The following DPP10 variants were observed in gnomAD, a reference collection of about 807,000 sequenced individuals.
The protein encoded by DPP10 is inactive dipeptidyl peptidase 10.
In DPP10, 33 loss-of-function variants were observed where a neutral mutation model predicts 120.9. The ratio of observed to expected loss-of-function variants is 0.27; its 90% CI spans 0.21 to 0.37. The LOEUF (loss-of-function observed/expected upper bound fraction) is 0.37, where lower values mean the gene tolerates loss of function less well. Ranked by LOEUF, DPP10 falls within the 10% of genes least tolerant of loss-of-function variation. The pLI, the probability that DPP10 is intolerant of heterozygous loss-of-function variation, is 1.00. For synonymous variants in DPP10, 337 were observed against 326.1 expected (o/e 1.03, Z -0.36); for missense variants, 816 against 942.8 (o/e 0.87, Z 1.76).
chr2:114,502,632 G>C (rs1449412147), intron 1 of DPP10, among the ~76,000 whole-genome samples: 1 of 152,160 alleles, frequency 6.6e-6, no homozygotes, highest in Non-Finnish European at 1.5e-5. Context: ...TGCCAAAGGA[G>C]TGACCCTCTT....
At chr2:115,735,649 T>C (rs939765267) in intron 8 of DPP10, among the ~76,000 whole-genome samples, 1 of 149,590 alleles carries the variant, frequency 6.7e-6, no homozygotes, top group Non-Finnish European at 1.5e-5. Context: ...GCCACCTGAG[T>C]AACTGGCATT....
intron 1 of DPP10, among the ~76,000 whole-genome samples, chr2:114,585,553 A>G (rs1042020269): frequency 1.3e-5 from 2 of 152,166 alleles, no homozygotes; most frequent in Non-Finnish European, 2.9e-5. Flanking sequence ...ATCAGGGGCC[A>G]GGGACTCTGG....
intron 1 of DPP10, among the ~76,000 whole-genome samples, chr2:114,769,594 A>C (rs1681065570): frequency 6.6e-6 from 1 of 152,222 alleles, no homozygotes; most frequent in Non-Finnish European, 1.5e-5. Flanking sequence ...AGGGTTCTAT[A>C]AACAGAACCT....
intron 24 of DPP10, among the ~76,000 whole-genome samples, chr2:115,838,088 G>A (rs1370713512): frequency 6.6e-6 from 1 of 152,156 alleles, no homozygotes; most frequent in Non-Finnish European, 1.5e-5. Flanking sequence ...TAACAATGGG[G>A]AAACTGGAGG....
At chr2:114,857,957 G>C (rs1465350862) in intron 1 of DPP10, among the ~76,000 whole-genome samples, 1 of 152,094 alleles carries the variant, frequency 6.6e-6, no homozygotes, top group Admixed American at 6.6e-5. Context: ...GTGACCTTGA[G>C]AAAGCTACTT....
intron 2 of DPP10, among the ~76,000 whole-genome samples, chr2:115,338,271 C>A (rs1454735959): frequency 6.6e-6 from 1 of 151,856 alleles, no homozygotes; most frequent in African/African-American, 2.4e-5. Context: ...GATTTTGTTA[C>A]AGACATATCG....
chr2:114,632,511 T>TTG (rs1553473533), intron 1 of DPP10, among the ~76,000 whole-genome samples: 11 of 132,196 alleles, frequency 8.3e-5, no homozygotes, highest in African/African-American at 2.9e-4. Flanking sequence ...GGGTTTTTTT[T>TTG]TTTTTTTTTT....
intron 1 of DPP10, among the ~76,000 whole-genome samples, chr2:114,836,901 TG>T (rs1435002869): frequency 6.6e-6 from 1 of 152,238 alleles, no homozygotes; most frequent in Non-Finnish European, 1.5e-5. Flanking sequence ...CATTTGCTTT[TG>T]AAAGAAGAGA....
intron 1 of DPP10, among the ~76,000 whole-genome samples, chr2:114,731,828 T>C (rs1315059214): frequency 3.3e-5 from 5 of 152,058 alleles, no homozygotes; most frequent in African/African-American, 1.2e-4. Context: ...TTCTAATTGG[T>C]GGACTTAGAG....
intron 3 of DPP10, among the ~76,000 whole-genome samples, chr2:115,359,154 G>T (rs1185148449): frequency 6.6e-6 from 1 of 152,180 alleles, no homozygotes; most frequent in Non-Finnish European, 1.5e-5. Context: ...AGTGATATGT[G>T]AGAATTTGAC....
chr2:114,563,433 C>T (rs938826436), intron 1 of DPP10, among the ~76,000 whole-genome samples: 6 of 152,020 alleles, frequency 3.9e-5, no homozygotes, highest in South Asian at 4.1e-4. Flanking sequence ...AGAGTGACTA[C>T]GCTGAAGGGT....
chr2:115,691,016 C>T (rs1209831665), intron 7 of DPP10, among the ~76,000 whole-genome samples: 1 of 152,086 alleles, frequency 6.6e-6, no homozygotes, highest in East Asian at 1.9e-4. Flanking sequence ...TCCTTGAATT[C>T]TAATAAGCTA....
intron 3 of DPP10, among the ~76,000 whole-genome samples, chr2:115,380,396 A>G (rs1177327722): frequency 1.3e-5 from 2 of 151,444 alleles, no homozygotes; most frequent in African/African-American, 2.4e-5. Flanking sequence ...TTTGTTTTCC[A>G]TTTGCTTGGT....
intron 1 of DPP10, among the ~76,000 whole-genome samples, chr2:114,660,358 G>C (rs1697307835): frequency 1.3e-5 from 2 of 152,108 alleles, no homozygotes; most frequent in South Asian, 4.2e-4. Context: ...CTTCTGCAGA[G>C]AGAGATTTGT....
At chr2:114,972,796 C>T (rs1350254448) in intron 1 of DPP10, among the ~76,000 whole-genome samples, 1 of 152,074 alleles carries the variant, frequency 6.6e-6, no homozygotes, top group Non-Finnish European at 1.5e-5. Context: ...ATAGTGACTG[C>T]GACTGGGGAA....
At chr2:115,137,309 C>T (rs2050697204) in intron 1 of DPP10, among the ~76,000 whole-genome samples, 1 of 152,168 alleles carries the variant, frequency 6.6e-6, no homozygotes, top group African/African-American at 2.4e-5. Context: ...ATTTGATTTG[C>T]TCTAGCACAT....
At chr2:115,132,473 T>C (rs963654437) in intron 1 of DPP10, among the ~76,000 whole-genome samples, 9 of 152,198 alleles carry the variant, frequency 5.9e-5, no homozygotes, top group Non-Finnish European at 1.0e-4. Context: ...TATTTTATGG[T>C]AAAATATTTT....
At position 115,109,681 on chromosome 2, in the gene DPP10, T is replaced by C. The variant is rs180978258; in HGVS notation, c.61-199558T>C. ...ACACAGCTCAAGGAAATATTATCCA[T>C]TCCTGGAATACAGTGGCTCTCAATT... On this transcript the variant is annotated intron_variant, in intron 1 of 25. Coordinates refer to ENST00000410059, the MANE Select transcript of DPP10 (RefSeq NM_020868.6). Among the ~76,000 whole-genome samples the C allele has an allele frequency of 4.4e-4, 67 of 152,346 alleles. 1 individual carries two copies. In the South Asian group the frequency reaches 9.8e-3, roughly 22 times the overall value.
At chr2:114,749,737 A>T (rs1679024372) in intron 1 of DPP10, among the ~76,000 whole-genome samples, 1 of 151,998 alleles carries the variant, frequency 6.6e-6, no homozygotes, top group South Asian at 2.1e-4. Flanking sequence ...CACCACACGC[A>T]GTCCAAGCAC....
Sources: allele counts gnomAD v4.1 joint callset (sites outside exome capture counted in the v4.1 genomes callset), GRCh38; gene constraint gnomAD v4.1.1; transcripts MANE v1.5; gene names NCBI Gene and HGNC (gene_info 2026-07-23, HGNC 2026-07-21).